The following MYO5B variants were observed in gnomAD, a reference collection of about 807,000 sequenced individuals.
The protein encoded by MYO5B is myosin VB, also known as unconventional myosin-Vb.
In MYO5B, 143 loss-of-function variants were observed where a neutral mutation model predicts 229.3. That is an observed-to-expected ratio of 0.62 (90% CI 0.54 to 0.72). The LOEUF is 0.72. MYO5B is among the 30% of genes least tolerant of loss of function. The pLI, the probability that MYO5B is intolerant of heterozygous loss-of-function variation, is 0.00. For missense variants in MYO5B, 2,321 were observed against 2,331.0 expected (o/e 1.00, Z 0.09); for synonymous variants, 918 against 885.2 (o/e 1.04, Z -0.66).
chr18:50,164,418 C>T lies in MYO5B; in HGVS notation c.27+30349G>A, dbSNP rs2032813993. Among the ~76,000 whole-genome samples, 2 of 152,298 alleles carry T rather than the reference C, an allele frequency of 1.3e-5. 1 individual carries two copies. The highest frequency in any genetic ancestry group is 4.2e-4 in the South Asian group (2 of 4,818). On this transcript the variant is annotated intron_variant, in intron 1 of 39. Coordinates refer to ENST00000285039, the MANE Select transcript of MYO5B (RefSeq NM_001080467.3). ...ATGAGATAGAGTCTACTGAGAAAGA[C>T]ACACACCAACACAGCGTAACTGACA...
At chr18:50,021,714 T>A (rs1291015352) in intron 4 of MYO5B, among the ~76,000 whole-genome samples, 7 of 54,288 alleles carry the variant, frequency 1.3e-4, no homozygotes, top group Non-Finnish European at 2.5e-4. Flanking sequence ...CCATCCCATC[T>A]GCGTAAAAAA....
intron 14 of MYO5B, among the ~76,000 whole-genome samples, chr18:49,940,830 C>A (rs1274592438): frequency 6.6e-6 from 1 of 152,224 alleles, no homozygotes; most frequent in Non-Finnish European, 1.5e-5. Flanking sequence ...CCTGCACATA[C>A]GTACAAGGTT....
In MYO5B at chr18:50,168,629, C is replaced by T. The variant is rs1308298488; in HGVS notation, c.27+26138G>A. ...TCCAGGACCCTCCCCACTAGACCCCCACCACTGTTCCAACCCTGTGTGAAT... is the reference window on the plus strand; with the variant it reads ...TCCAGGACCCTCCCCACTAGACCCCTACCACTGTTCCAACCCTGTGTGAAT... On this transcript the variant is annotated intron_variant, in intron 1 of 39. Coordinates refer to ENST00000285039, the MANE Select transcript of MYO5B (RefSeq NM_001080467.3). Among the ~76,000 whole-genome samples the T allele has an allele frequency of 1.5e-5, 2 of 130,612 alleles. 1 individual carries two copies. Among genetic ancestry groups the T allele is most frequent in the Non-Finnish European group, 3.3e-5 (2 of 60,390 alleles). 85.7% of individuals were successfully genotyped at this position (130,612 alleles called of 152,430 possible). A position where few individuals can be genotyped will look rare whatever the true frequency, so the allele number is the denominator to read the frequency against.
chr18:50,000,386 C>T (rs2026033038), intron 5 of MYO5B, among the ~76,000 whole-genome samples: 1 of 152,146 alleles, frequency 6.6e-6, no homozygotes, highest in Non-Finnish European at 1.5e-5. Flanking sequence ...TGACATAAAA[C>T]AAACGGACTG....
At chr18:50,193,999 T>C (rs751418533) in intron 1 of MYO5B, among the ~76,000 whole-genome samples, 2 of 152,178 alleles carry the variant, frequency 1.3e-5, no homozygotes, top group Non-Finnish European at 2.9e-5. Flanking sequence ...CTTGAAGGCA[T>C]CCTGAAACTC....
chr18:50,043,994 C>T (rs1203224194), intron 2 of MYO5B, among the ~76,000 whole-genome samples: 1 of 152,030 alleles, frequency 6.6e-6, no homozygotes, highest in Admixed American at 6.6e-5. Context: ...AGAACTTACT[C>T]ATCTAACCAA....
chr18:49,944,680 G>C (rs1252894153), intron 14 of MYO5B, among the ~76,000 whole-genome samples: 1 of 151,798 alleles, frequency 6.6e-6, no homozygotes, highest in Non-Finnish European at 1.5e-5. Flanking sequence ...CCCTGACCTG[G>C]ATTCCTGCAT....
At chr18:49,999,167 A>G (rs1171135032) in intron 5 of MYO5B, among the ~76,000 whole-genome samples, 1 of 152,256 alleles carries the variant, frequency 6.6e-6, no homozygotes, top group Non-Finnish European at 1.5e-5. Context: ...TTTGCTCAGA[A>G]TAACTACTCT....
At chr18:50,047,077 A>G (rs2030250172) in intron 2 of MYO5B, among the ~76,000 whole-genome samples, 1 of 152,242 alleles carries the variant, frequency 6.6e-6, no homozygotes, top group Non-Finnish European at 1.5e-5. Context: ...ACAAAAGCCA[A>G]AATTGACAAA....
At chr18:50,053,274 T>A (rs146535214) in intron 2 of MYO5B, among the ~76,000 whole-genome samples, 1 of 152,272 alleles carries the variant, frequency 6.6e-6, no homozygotes, top group African/African-American at 2.4e-5. Flanking sequence ...TCCAATTACA[T>A]GCTGCCTGGC....
At chr18:50,157,120 TG>T (rs951116292) in intron 1 of MYO5B, among the ~76,000 whole-genome samples, 18 of 140,718 alleles carry the variant, frequency 1.3e-4, no homozygotes, top group Admixed American at 3.0e-4. Context: ...GGTGGGGAGG[TG>T]GGGGGACGGA....
At chr18:49,998,270 T>A (rs1003432643) in intron 5 of MYO5B, among the ~76,000 whole-genome samples, 1 of 152,192 alleles carries the variant, frequency 6.6e-6, no homozygotes, top group Non-Finnish European at 1.5e-5. Flanking sequence ...AGGACTTACA[T>A]AATTTCCAAA....
intron 39 of MYO5B, among the ~76,000 whole-genome samples, chr18:49,828,704 A>AT (rs1366384617): frequency 1.3e-5 from 2 of 152,196 alleles, no homozygotes; most frequent in South Asian, 2.1e-4. Flanking sequence ...CATATGAAAT[A>AT]TTTTTTCTGA....
intron 21 of MYO5B, among the ~76,000 whole-genome samples, chr18:49,895,916 A>T (rs2144132673): frequency 6.6e-6 from 1 of 152,322 alleles, no homozygotes; most frequent in South Asian, 2.1e-4. Flanking sequence ...GCACCGCAAG[A>T]GTTGAGGGCA....
intron 31 of MYO5B, 115 bp from the exon 32 acceptor site, chr18:49,849,775 A>C: frequency 1.2e-6 from 1 of 814,382 alleles, no homozygotes; most frequent in Non-Finnish European, 2.1e-6. Flanking sequence ...GCCGTCAGAA[A>C]TGCGCCAGTC....
chr18:50,152,890 C>T (rs1259427903), intron 1 of MYO5B, among the ~76,000 whole-genome samples: 1 of 139,436 alleles, frequency 7.2e-6, no homozygotes, highest in Non-Finnish European at 1.6e-5. Context: ...AAAAAAATCA[C>T]ACTGAAAAGA....
At chr18:50,123,578 A>T (rs933167738) in intron 1 of MYO5B, among the ~76,000 whole-genome samples, 8 of 152,072 alleles carry the variant, frequency 5.3e-5, no homozygotes, top group African/African-American at 1.4e-4. Flanking sequence ...AATATAAATA[A>T]AAATAAAAAA....
At chr18:49,936,572 T>C (rs1317957081) in intron 15 of MYO5B, among the ~76,000 whole-genome samples, 1 of 152,094 alleles carries the variant, frequency 6.6e-6, no homozygotes, top group Admixed American at 6.5e-5. Flanking sequence ...TTGAATTACA[T>C]GGGGGACAGA....
At chr18:49,935,887 T>C (rs984458650) in intron 16 of MYO5B, among the ~76,000 whole-genome samples, 1 of 152,254 alleles carries the variant, frequency 6.6e-6, no homozygotes, top group Non-Finnish European at 1.5e-5. Context: ...GAGGTCTTGA[T>C]TCTTCAACAC....
Sources: allele counts gnomAD v4.1 joint callset (sites outside exome capture counted in the v4.1 genomes callset), GRCh38; gene constraint gnomAD v4.1.1; transcripts MANE v1.5; gene names NCBI Gene and HGNC (gene_info 2026-07-23, HGNC 2026-07-21).